STK24: variants seen among roughly 807,000 people sequenced by gnomAD.
STK24 encodes the protein serine/threonine-protein kinase 24.
STK24 carries 21 observed loss-of-function variants against 55.6 expected under a neutral mutation model. That is an observed-to-expected ratio of 0.38 (90% CI 0.27 to 0.54). The LOEUF (loss-of-function observed/expected upper bound fraction) is 0.54, where lower values mean the gene tolerates loss of function less well. Among genes scored for constraint, STK24 ranks in the 20% least tolerant of loss-of-function variants. STK24 has a pLI of 0.79. For synonymous variants in STK24, 200 were observed against 215.2 expected (o/e 0.93, Z 0.62); for missense variants, 383 against 538.4 (o/e 0.71, Z 2.86).
Position 98,449,787 on chromosome 13 carries a change from CTTCA to C in STK24, c.*3382_*3385del, listed in dbSNP as rs1017590776. 1.4e-5 allele frequency: 2 copies of C among 142,618 alleles called. No homozygotes were observed. Among genetic ancestry groups the C allele is most frequent in the African/African-American group, 5.2e-5 (2 of 38,254 alleles). The allele number at this position is 142,618 out of a possible 1,614,324, so 8.8% of individuals were successfully genotyped here. On this transcript the variant is annotated 3_prime_UTR_variant, in exon 11 of 11. Coordinates refer to ENST00000539966, the MANE Select transcript of STK24 (RefSeq NM_001032296.4). ...CAAAACAACCAACTTTGTCTGTAGT[CTTCA>C]TTTTCTGTGTGGGGGGGGAGGGGGG...
intron 1 of STK24, chr13:98,576,236 G>C (rs952383752): frequency 1.3e-5 from 13 of 984,984 alleles, no homozygotes; most frequent in South Asian, 4.7e-5. Flanking sequence ...TACTCCGCTC[G>C]GGCCCGGACG....
Position 98,576,747 on chromosome 13 carries a change from G to T in STK24, c.40C>A (p.Gln14Lys). The T allele has an allele frequency of 6.9e-7, 1 of 1,459,696 alleles. No homozygotes were observed. The highest frequency in any genetic ancestry group is 9.0e-7 in the Non-Finnish European group (1 of 1,110,104). 90.4% of individuals were successfully genotyped at this position (1,459,696 alleles called of 1,614,324 possible). Residue 14 changes from glutamine (Q) to lysine (K), a missense_variant and splice_region_variant, in exon 1 of 11, where the codon CAG becomes AAG. By Grantham distance (53) the Gln-to-Lys change is moderately conservative. Coordinates refer to ENST00000539966, the MANE Select transcript of STK24 (RefSeq NM_001032296.4). ...SPVQSGLPGM[Q>K]NLKADPEELF... Reference sequence around the variant, plus strand: ...CCCCGCGGCCCGCGCCCGCCTACCTGCATGCCGGGCAGGCCCGACTGCACC... The same window carrying T: ...CCCCGCGGCCCGCGCCCGCCTACCTTCATGCCGGGCAGGCCCGACTGCACC...
At chr13:98,515,171 A>G (rs997807659) in intron 2 of STK24, among the ~76,000 whole-genome samples, 1 of 151,878 alleles carries the variant, frequency 6.6e-6, no homozygotes, top group African/African-American at 2.4e-5. Flanking sequence ...CAGAGAAAAA[A>G]CAGGTCAGCA....
intron 1 of STK24, chr13:98,521,667 C>G: frequency 1.5e-6 from 1 of 676,738 alleles, no homozygotes; most frequent in Non-Finnish European, 2.8e-6. Context: ...CTAGGATGAG[C>G]AGCTTTCGGG....
intron 1 of STK24, among the ~76,000 whole-genome samples, chr13:98,535,363 A>AAC (rs1417013457): frequency 0.017 from 502 of 29,524 alleles, 3 homozygotes; most frequent in African/African-American, 0.048. Context: ...CAAACAAACA[A>AAC]AAAAAAAATA....
intron 5 of STK24, 30 bp from the exon 6 acceptor site, chr13:98,466,591 C>T (rs757647760): frequency 1.2e-6 from 2 of 1,608,296 alleles, no homozygotes; most frequent in South Asian, 2.2e-5. Flanking sequence ...TTTACAAACA[C>T]CAAGCAGGAA....
chr13:98,477,382 A>G lies in STK24; in HGVS notation c.331-2024T>C, dbSNP rs1009165918. Among the ~76,000 whole-genome samples the G allele has an allele frequency of 3.4e-4, 52 of 152,308 alleles. 1 individual carries two copies. The highest frequency in any genetic ancestry group is 1.2e-3 in the African/African-American group (49 of 41,564). ...ATCCAGTCGACCAAAGATCAAAGTC[A>G]TGTTAGAGGCCAGGCGCGGTGGCTC... On this transcript the variant is annotated intron_variant, in intron 3 of 10. Coordinates refer to ENST00000539966, the MANE Select transcript of STK24 (RefSeq NM_001032296.4).
At position 98,569,852 on chromosome 13, in the gene STK24, GA is replaced by G. The variant is rs56223563; in HGVS notation, c.42+6892del. Among the ~76,000 whole-genome samples, 576 of 136,654 alleles carry G rather than the reference GA, an allele frequency of 4.2e-3. 4 individuals carry two copies. Among genetic ancestry groups the G allele is most frequent in the African/African-American group, 0.013 (495 of 36,708 alleles). The allele number at this position is 136,654 out of a possible 152,430, so 89.7% of individuals were successfully genotyped here. A position where few individuals can be genotyped will look rare whatever the true frequency, so the allele number is the denominator to read the frequency against. On this transcript the variant is annotated intron_variant, in intron 1 of 10. Transcript: ENST00000539966. ...GTCTATAGACAATGCCTGAAACCAG[GA>G]AAAAAAAAAAAACACAGGCAGAAAT...
chr13:98,527,373 T>G (rs537102126), intron 1 of STK24, among the ~76,000 whole-genome samples: 1 of 152,308 alleles, frequency 6.6e-6, no homozygotes, highest in South Asian at 2.1e-4. Flanking sequence ...TGACATCTGA[T>G]TCCAGTGGCC....
At chr13:98,466,211 T>C (rs1893919117) in intron 6 of STK24, among the ~76,000 whole-genome samples, 165 bp downstream of exon 6, 2 of 152,158 alleles carry the variant, frequency 1.3e-5, no homozygotes, top group South Asian at 4.1e-4. Flanking sequence ...AAAATTAAAA[T>C]GTATTTGCAA....
chr13:98,504,313 G>A (rs183137397), intron 2 of STK24, among the ~76,000 whole-genome samples: 2 of 152,334 alleles, frequency 1.3e-5, no homozygotes, highest in Admixed American at 1.3e-4. Flanking sequence ...GTCAACAACA[G>A]TCAAGCCTGT....
intron 1 of STK24, among the ~76,000 whole-genome samples, chr13:98,566,946 C>T (rs2139460122): frequency 6.6e-6 from 1 of 152,334 alleles, no homozygotes; most frequent in East Asian, 1.9e-4. Flanking sequence ...CCACATTGAA[C>T]ACGCTTCCAA....
chr13:98,559,699 AAT>A (rs1323927120), intron 1 of STK24, among the ~76,000 whole-genome samples: 1 of 152,166 alleles, frequency 6.6e-6, no homozygotes, highest in Non-Finnish European at 1.5e-5. Context: ...CTTCTATCCA[AAT>A]AGTTTCCATT....
chr13:98,572,877 T>C (rs1897778620), intron 1 of STK24, among the ~76,000 whole-genome samples: 1 of 152,144 alleles, frequency 6.6e-6, no homozygotes, highest in Non-Finnish European at 1.5e-5. Context: ...AAACTGTGGG[T>C]CAGGAATCAG....
At chr13:98,558,362 T>C (rs1332963266) in intron 1 of STK24, among the ~76,000 whole-genome samples, 1 of 152,186 alleles carries the variant, frequency 6.6e-6, no homozygotes, top group Non-Finnish European at 1.5e-5. Flanking sequence ...GGAATCCTGT[T>C]TTCATGGGAA....
intron 2 of STK24, among the ~76,000 whole-genome samples, chr13:98,505,669 C>T (rs971655530): frequency 6.6e-6 from 1 of 152,224 alleles, no homozygotes; most frequent in African/African-American, 2.4e-5. Context: ...GGTCTCTTAA[C>T]AGGTTATGTA....
chr13:98,477,882 A>G (rs1427273442), intron 3 of STK24, among the ~76,000 whole-genome samples: 1 of 152,124 alleles, frequency 6.6e-6, no homozygotes, highest in Non-Finnish European at 1.5e-5. Context: ...AGGAACACTC[A>G]TGGAAAATCC....
chr13:98,575,124 T>G (rs1196284865), intron 1 of STK24, among the ~76,000 whole-genome samples: 2 of 152,034 alleles, frequency 1.3e-5, no homozygotes, highest in Non-Finnish European at 1.5e-5. Flanking sequence ...AAGAAATTAC[T>G]TTTTTCACCC....
chr13:98,547,175 G>C (rs1004034635), intron 1 of STK24, among the ~76,000 whole-genome samples: 45 of 152,052 alleles, frequency 3.0e-4, no homozygotes, highest in African/African-American at 1.0e-3. Context: ...GCCTCCCAAA[G>C]TGCTGGGATT....
Sources: gnomAD v4.1 joint callset for allele counts (sites outside exome capture counted in the v4.1 genomes callset) on GRCh38, gnomAD v4.1.1 for gene constraint, MANE v1.5 for transcripts, NCBI Gene and HGNC (gene_info 2026-07-23, HGNC 2026-07-21) for gene names.